Variants in DCP1A observed in about 807,000 individuals in gnomAD.
DCP1A encodes decapping mRNA 1A.
In DCP1A, 20 loss-of-function variants were observed where a neutral mutation model predicts 58.0. The observed-to-expected ratio is 0.34, with a 90% CI of 0.24 to 0.50. The LOEUF (loss-of-function observed/expected upper bound fraction) is 0.50. Among genes scored for constraint, DCP1A ranks in the 20% least tolerant of loss-of-function variants. The probability of loss-of-function intolerance (pLI) is 0.98; values close to 1 mark genes in which losing one functional copy is unlikely to be tolerated. For synonymous variants in DCP1A, 285 were observed against 275.1 expected (o/e 1.04, Z -0.36); for missense variants, 613 against 712.2 (o/e 0.86, Z 1.59).
At chr3:53,328,640 A>C (rs1708176617) in intron 3 of DCP1A, among the ~76,000 whole-genome samples, 1 of 152,210 alleles carries the variant, frequency 6.6e-6, no homozygotes, top group South Asian at 2.1e-4. Context: ...ATGTTCATGG[A>C]TTTACAAAGT....
At chr3:53,316,364 C>T (rs1328682488) in intron 4 of DCP1A, among the ~76,000 whole-genome samples, 7 of 152,232 alleles carry the variant, frequency 4.6e-5, no homozygotes, top group African/African-American at 1.7e-4. Flanking sequence ...ATACAATATT[C>T]TCTTCAGCTA....
At chr3:53,315,237 A>G (rs190302009) in intron 4 of DCP1A, among the ~76,000 whole-genome samples, 1 of 152,084 alleles carries the variant, frequency 6.6e-6, no homozygotes, top group Admixed American at 6.5e-5. Flanking sequence ...ACAACTTTTT[A>G]TTGTTAAAAA....
At chr3:53,338,860 CAA>C (rs35824245) in intron 3 of DCP1A, among the ~76,000 whole-genome samples, 14 of 108,160 alleles carry the variant, frequency 1.3e-4, no homozygotes, top group African/African-American at 1.2e-4. Context: ...GGCTCCGTCT[CAA>C]AAAAAAAAAA....
At chr3:53,333,057 T>C (rs2089042182) in intron 3 of DCP1A, 1 of 152,078 alleles carries the variant, frequency 6.6e-6, no homozygotes. Flanking sequence ...TTTTTTTCTT[T>C]TTTCTCCTCA....
intron 6 of DCP1A, 52 bp from the exon 7 acceptor site, chr3:53,292,879 TA>T (rs1706975864): frequency 1.3e-6 from 2 of 1,519,358 alleles, no homozygotes; most frequent in Admixed American, 2.1e-5. Context: ...TAAATCAGCA[TA>T]ACCAAACTTC....
chr3:53,319,427 G>A lies in DCP1A; in HGVS notation c.351C>T (p.Arg117=), dbSNP rs1256978280. The A allele has an allele frequency of 3.2e-6, 5 of 1,561,092 alleles. No homozygotes were observed. Among genetic ancestry groups the A allele is most frequent in the Admixed American group, 1.9e-5 (1 of 52,658 alleles). ...CTTACTCAGCCATGAGTTTTGCTAT[G>A]CGGTGACAGTCATTCTTGTCATAAA... ...IWFYDKNDCH[R]IAKLMADVVE... is the part of the protein sequence containing the mutation. The change falls in exon 4 of 10, where the codon CGC becomes CGT. Residue 117 remains arginine (R), a synonymous_variant. Transcript: ENST00000610213.
chr3:53,311,153 T>C (rs926896984), intron 5 of DCP1A, among the ~76,000 whole-genome samples: 1 of 152,236 alleles, frequency 6.6e-6, no homozygotes, highest in Non-Finnish European at 1.5e-5. Flanking sequence ...GGATCACTGA[T>C]TAATAACTTA....
At chr3:53,326,990 A>C (rs1374421504) in intron 3 of DCP1A, among the ~76,000 whole-genome samples, 1 of 140,906 alleles carries the variant, frequency 7.1e-6, no homozygotes, top group Admixed American at 7.0e-5. Flanking sequence ...CCCCCCCCCA[A>C]CTGGTATTCT....
intron 3 of DCP1A, among the ~76,000 whole-genome samples, chr3:53,340,492 A>G (rs1192639387): frequency 6.6e-6 from 1 of 152,154 alleles, no homozygotes; most frequent in African/African-American, 2.4e-5. Context: ...AGGCCTTGTT[A>G]CTTCTCATTC....
In DCP1A at chr3:53,304,239, G is replaced by T. The variant is rs1553687708; in HGVS notation, c.562C>A (p.Gln188Lys). ...TCGGTGCTTCCCAGATTGGAGAGCT[G>T]AGTGCTTGGCTGTAACCCAGGGCTG... ...ISSPGLQPST[Q>K]LSNLGSTETL... Residue 188 changes from glutamine (Q) to lysine (K), a missense_variant, in exon 6 of 10, where the codon CAG becomes AAG. Physicochemically the swap from Gln to Lys is moderately conservative, Grantham distance 53. This residue lies in a region of DCP1A where 498 missense variants were observed against 556.7 expected (regional missense o/e 0.89). Transcript: ENST00000610213. The T allele has an allele frequency of 1.2e-6, 2 of 1,613,764 alleles. No individual in the cohort carries two copies. The highest frequency in any genetic ancestry group is 1.1e-5 in the South Asian group (1 of 91,054).
Position 53,287,655 on chromosome 3 carries a change from A to G in DCP1A, c.1674T>C (p.Asp558=), listed in dbSNP as rs782086047. 6.2e-7 allele frequency: 1 copy of G among 1,609,728 alleles called. No individual in the cohort carries two copies. The highest frequency in any genetic ancestry group is 2.2e-5 in the East Asian group (1 of 44,868). ...CATGAAGTGTACTGAGGAAGCTGGAATCATTCTAGAAGAGATGGTAAAGGT... is the reference window on the plus strand; with the variant it reads ...CATGAAGTGTACTGAGGAAGCTGGAGTCATTCTAGAAGAGATGGTAAAGGT... ...QDTLIHLIKN[D]SSFLSTLHEV... The change falls in exon 10 of 10, where the codon GAT becomes GAC. Residue 558 remains aspartate, a synonymous_variant. Coordinates refer to ENST00000610213, the MANE Select transcript of DCP1A (RefSeq NM_018403.7).
chr3:53,322,705 T>C (rs1708003531), intron 3 of DCP1A, among the ~76,000 whole-genome samples: 3 of 152,018 alleles, frequency 2.0e-5, no homozygotes, highest in Admixed American at 1.3e-4. Flanking sequence ...AGCCCGTGTA[T>C]GGCCATGTGT....
At chr3:53,307,909 A>T (rs1305892054) in intron 5 of DCP1A, among the ~76,000 whole-genome samples, 7 of 152,228 alleles carry the variant, frequency 4.6e-5, no homozygotes, top group Non-Finnish European at 5.9e-5. Context: ...AAGGAAAAAT[A>T]CACAGCTATA....
chr3:53,318,843 G>A (rs1707885199), intron 4 of DCP1A, among the ~76,000 whole-genome samples: 1 of 152,212 alleles, frequency 6.6e-6, no homozygotes, highest in Non-Finnish European at 1.5e-5. Flanking sequence ...ATACAGATGT[G>A]TGTATGAGTT....
In DCP1A at chr3:53,334,112, G is replaced by A. The variant is rs143054975; in HGVS notation, c.304+8032C>T. On this transcript the variant is annotated intron_variant, in intron 3 of 9. Coordinates refer to ENST00000610213, the MANE Select transcript of DCP1A (RefSeq NM_018403.7). ...CCTTGTCTCTACAAAAAATAAAAACGTATTAGCTGGGAGTGGTGGCGTGCA... is the reference window on the plus strand; with the variant it reads ...CCTTGTCTCTACAAAAAATAAAAACATATTAGCTGGGAGTGGTGGCGTGCA... Among the ~76,000 whole-genome samples, 45 of 151,984 alleles carry A rather than the reference G, an allele frequency of 3.0e-4. 1 individual carries two copies. Among genetic ancestry groups the A allele is most frequent in the Admixed American group, 2.1e-3 (32 of 15,248 alleles).
At chr3:53,325,270 G>A (rs1016314253) in intron 3 of DCP1A, among the ~76,000 whole-genome samples, 3 of 152,206 alleles carry the variant, frequency 2.0e-5, no homozygotes, top group African/African-American at 7.2e-5. Flanking sequence ...TAGAGATGCT[G>A]TGAAATGTCA....
At chr3:53,326,601 A>G (rs1448777845) in intron 3 of DCP1A, among the ~76,000 whole-genome samples, 1 of 152,208 alleles carries the variant, frequency 6.6e-6, no homozygotes, top group Non-Finnish European at 1.5e-5. Context: ...AGATTCTCAT[A>G]GGAGCTCCAG....
intron 7 of DCP1A, among the ~76,000 whole-genome samples, chr3:53,291,144 A>G (rs1706853250): frequency 6.6e-6 from 1 of 152,184 alleles, no homozygotes; most frequent in South Asian, 2.1e-4. Flanking sequence ...GAAAAACCTG[A>G]AACCTGTGTC....
chr3:53,306,350 A>G (rs1707471242), intron 5 of DCP1A, among the ~76,000 whole-genome samples: 1 of 152,218 alleles, frequency 6.6e-6, no homozygotes, highest in South Asian at 2.1e-4. Context: ...GAATGCTTGG[A>G]ACTGAATTAT....
Sources: gnomAD v4.1 joint callset for allele counts (sites outside exome capture counted in the v4.1 genomes callset) on GRCh38, gnomAD v4.1.1 for gene constraint, gnomAD v4.1.1 regional missense constraint, MANE v1.5 for transcripts, NCBI Gene and HGNC (gene_info 2026-07-23, HGNC 2026-07-21) for gene names.